The following PROM1 variants were observed in gnomAD, a reference collection of about 807,000 sequenced individuals.
The protein encoded by PROM1 is prominin-1.
PROM1 carries 105 observed loss-of-function variants against 116.9 expected under a neutral mutation model. The observed-to-expected ratio is 0.90, with a 90% CI of 0.77 to 1.06. The LOEUF (loss-of-function observed/expected upper bound fraction) is 1.06, where lower values mean the gene tolerates loss of function less well. Among genes scored for constraint, PROM1 ranks in the 50% least tolerant of loss-of-function variants. The pLI, the probability that PROM1 is intolerant of heterozygous loss-of-function variation, is 0.00. For synonymous variants in PROM1, 393 were observed against 387.0 expected (o/e 1.02, Z -0.18); for missense variants, 1,122 against 1,045.2 (o/e 1.07, Z -1.01).
rs537078905 is a variant in PROM1, at chr4:16,022,251, T to C, written c.784+1075A>G. 2.4e-4 allele frequency among the ~76,000 whole-genome samples: 37 copies of C among 152,158 alleles called. No individual in the cohort carries two copies. The South Asian group carries it at 7.7e-3, about 32-fold the overall frequency. ...CAATGGTCTCTGAGGTCATATCCCT[T>C]CTCTGGGCCTCCGTTTCCTTGCCTG... On this transcript the variant is annotated intron_variant, in intron 8 of 27. Transcript: ENST00000447510.
intron 4 of PROM1, among the ~76,000 whole-genome samples, chr4:16,034,325 G>A (rs1474910344): frequency 6.6e-6 from 1 of 152,100 alleles, no homozygotes; most frequent in Non-Finnish European, 1.5e-5. Context: ...TGATACACTG[G>A]AAATAATAAT....
intron 13 of PROM1, among the ~76,000 whole-genome samples, chr4:16,001,816 TAA>T (rs1464787033): frequency 2.0e-5 from 3 of 151,872 alleles, no homozygotes; most frequent in Non-Finnish European, 4.4e-5. Flanking sequence ...GCAGTGTGGG[TAA>T]AGAGTTTCTG....
At chr4:15,980,038 T>C in intron 24 of PROM1, 134 bp from the exon 25 acceptor site, 1 of 636,588 alleles carries the variant, frequency 1.6e-6, no homozygotes, top group South Asian at 2.0e-5. Context: ...TGTTGAAAGA[T>C]AAGTGAAGTG....
chr4:16,021,433 G>A (rs1026876515), intron 8 of PROM1, among the ~76,000 whole-genome samples: 7 of 152,076 alleles, frequency 4.6e-5, no homozygotes, highest in South Asian at 2.1e-4. Flanking sequence ...TCAATATTGC[G>A]AACATAATAT....
At chr4:15,975,840 G>A (rs983936854) in intron 26 of PROM1, among the ~76,000 whole-genome samples, 1 of 152,156 alleles carries the variant, frequency 6.6e-6, no homozygotes, top group Non-Finnish European at 1.5e-5. Flanking sequence ...AACAAGTCTC[G>A]ATTTAATTGT....
At chr4:15,979,108 C>A (rs1035116629) in intron 26 of PROM1, among the ~76,000 whole-genome samples, 3 of 152,128 alleles carry the variant, frequency 2.0e-5, no homozygotes, top group African/African-American at 7.2e-5. Flanking sequence ...ATTCTAAATG[C>A]AAGGTATGCA....
In PROM1 at chr4:16,028,596, G is replaced by A. The variant is rs970924500; in HGVS notation, c.510-3284C>T. On this transcript the variant is annotated intron_variant, in intron 5 of 27. Transcript: ENST00000447510. ...AAAGAACAAAGAAATTATGCTTTGA[G>A]GTATTGATTTAGACACTCCCTGTTG... Among the ~76,000 whole-genome samples, 3 of 152,126 alleles carry A rather than the reference G, an allele frequency of 2.0e-5. No homozygotes were observed. In the South Asian group the frequency reaches 6.2e-4, roughly 32 times the overall value.
At chr4:16,070,320 G>A (rs1294772108) in intron 2 of PROM1, among the ~76,000 whole-genome samples, 4 of 152,116 alleles carry the variant, frequency 2.6e-5, no homozygotes, top group African/African-American at 9.7e-5. Context: ...CAAGGACACA[G>A]AAATAGAAAA....
intron 10 of PROM1, among the ~76,000 whole-genome samples, chr4:16,014,166 G>A (rs747347557): frequency 9.9e-5 from 15 of 152,166 alleles, no homozygotes; most frequent in Non-Finnish European, 1.9e-4. Flanking sequence ...GTACTTAGCC[G>A]TCTGCCAGGG....
rs1203615168 is a variant in PROM1, at chr4:15,989,787, G to A, written c.2021C>T (p.Ala674Val). ...CTGGTGAATTGTTTTAATAGTTTGTGCATCTCTTTTCAGGGAGTTCCTCAA... is the reference window on the plus strand; with the variant it reads ...CTGGTGAATTGTTTTAATAGTTTGTACATCTCTTTTCAGGGAGTTCCTCAA... ...GNLRNSLKRDAQTIKTIHQQR... is the reference protein window; with the variant it reads ...GNLRNSLKRDVQTIKTIHQQR... Residue 674 changes from alanine (A) to valine (V), a missense_variant, in exon 19 of 28, where the codon GCA becomes GTA. Physicochemically the swap from Ala to Val is moderately conservative, Grantham distance 64 (BLOSUM62 0). Transcript: ENST00000447510. 2 of 1,609,722 alleles carry A rather than the reference G, an allele frequency of 1.2e-6. No individual in the cohort carries two copies. The highest frequency in any genetic ancestry group is 1.7e-6 in the Non-Finnish European group (2 of 1,177,596).
At chr4:16,025,737 ACAC>A (rs1731106368) in intron 5 of PROM1, among the ~76,000 whole-genome samples, 1 of 151,958 alleles carries the variant, frequency 6.6e-6, no homozygotes, top group Admixed American at 6.6e-5. Flanking sequence ...ACACACACAC[ACAC>A]TTCTGCTCCC....
At chr4:16,063,024 A>G (rs964538049) in intron 2 of PROM1, among the ~76,000 whole-genome samples, 6 of 152,214 alleles carry the variant, frequency 3.9e-5, no homozygotes, top group East Asian at 3.9e-4. Context: ...ATCACTGCCA[A>G]CGTCACAAAA....
chr4:15,974,313 C>T (rs1386798192), intron 26 of PROM1, among the ~76,000 whole-genome samples: 3 of 152,112 alleles, frequency 2.0e-5, no homozygotes, highest in Non-Finnish European at 1.5e-5. Context: ...AAAAAAAATC[C>T]AGGCTTACGT....
chr4:16,030,023 T>A (rs2149365158), intron 5 of PROM1, among the ~76,000 whole-genome samples: 1 of 152,346 alleles, frequency 6.6e-6, no homozygotes. Context: ...ACATTCTTTC[T>A]TCTCCTGTCT....
intron 22 of PROM1, 33 bp from the exon 23 acceptor site, chr4:15,984,388 C>G (rs370896981): frequency 1.4e-6 from 2 of 1,446,386 alleles, no homozygotes; most frequent in Non-Finnish European, 1.9e-6. Context: ...AAACTTTGAG[C>G]TGCATCCACA....
chr4:16,015,067 CG>C (rs33917600), intron 10 of PROM1, among the ~76,000 whole-genome samples: 15,078 of 152,162 alleles, frequency 0.099, 1,767 homozygotes, highest in African/African-American at 0.28. Context: ...ATATATGGAC[CG>C]GGCGTGACGG....
intron 2 of PROM1, among the ~76,000 whole-genome samples, chr4:16,044,637 T>C (rs1163596050): frequency 2.0e-5 from 3 of 152,204 alleles, no homozygotes; most frequent in Non-Finnish European, 4.4e-5. Context: ...TATTCATATT[T>C]TCCAAAAAGA....
chr4:16,057,324 C>A (rs1282559946), intron 2 of PROM1, among the ~76,000 whole-genome samples: 1 of 152,216 alleles, frequency 6.6e-6, no homozygotes, highest in African/African-American at 2.4e-5. Flanking sequence ...TCCTCTTTCC[C>A]AGGATGCAGT....
At chr4:15,973,037 T>G (rs1715014951) in intron 26 of PROM1, among the ~76,000 whole-genome samples, 1 of 152,166 alleles carries the variant, frequency 6.6e-6, no homozygotes, top group African/African-American at 2.4e-5. Context: ...CCAAGCACCC[T>G]CTACAAGACC....
Sources: allele counts gnomAD v4.1 joint callset (sites outside exome capture counted in the v4.1 genomes callset), GRCh38; gene constraint gnomAD v4.1.1; transcripts MANE v1.5; gene names NCBI Gene and HGNC (gene_info 2026-07-23, HGNC 2026-07-21).